NTM: variants seen among roughly 807,000 people sequenced by gnomAD.
NTM encodes neurotrimin, also known as IgLON family member 2.
A neutral mutation model predicts 42.1 loss-of-function variants in NTM; 13 were observed. That is an observed-to-expected ratio of 0.31 (90% confidence interval 0.20 to 0.49). NTM has a LOEUF of 0.49. Ranked by LOEUF, NTM falls within the 20% of genes least tolerant of loss-of-function variation. NTM has a pLI of 0.99. For missense variants in NTM, 373 were observed against 452.8 expected, an observed-to-expected ratio of 0.82 and a Z score of 1.60; for synonymous variants, 187 against 179.2, an observed-to-expected ratio of 1.04 and a Z score of -0.35.
At chr11:131,542,680 G>A (rs2053434408) in intron 1 of NTM, among the ~76,000 whole-genome samples, 1 of 152,122 alleles carries the variant, frequency 6.6e-6, no homozygotes, top group Non-Finnish European at 1.5e-5. Context: ...TTCCACTAGT[G>A]AGTTAGTTCA....
chr11:131,513,381 T>G (rs2048498248), intron 1 of NTM, among the ~76,000 whole-genome samples: 1 of 151,536 alleles, frequency 6.6e-6, no homozygotes, highest in African/African-American at 2.4e-5. Flanking sequence ...ACCCAAGAGG[T>G]CCACAGACCA....
At chr11:131,973,521 G>C (rs1341497258) in intron 2 of NTM, among the ~76,000 whole-genome samples, 1 of 152,138 alleles carries the variant, frequency 6.6e-6, no homozygotes, top group African/African-American at 2.4e-5. Context: ...CTTGTTTTTA[G>C]AAGACTAACT....
At chr11:132,320,490 A>G (rs975058375) in intron 7 of NTM, among the ~76,000 whole-genome samples, 2 of 152,202 alleles carry the variant, frequency 1.3e-5, no homozygotes, top group Non-Finnish European at 2.9e-5. Flanking sequence ...ACGGCGCACC[A>G]TGAGATTATA....
At chr11:132,333,330 A>G (rs1039226852) in intron 8 of NTM, among the ~76,000 whole-genome samples, 1 of 152,142 alleles carries the variant, frequency 6.6e-6, no homozygotes, top group African/African-American at 2.4e-5. Flanking sequence ...GGACTTACGC[A>G]GAGCAGAGAA....
At chr11:132,286,516 G>GC (rs200788377) in intron 4 of NTM, among the ~76,000 whole-genome samples, 2,085 of 151,382 alleles carry the variant, frequency 0.014, 40 homozygotes, top group African/African-American at 0.045. Flanking sequence ...TTGCCTGTCC[G>GC]CCCCCCCCAC....
intron 1 of NTM, among the ~76,000 whole-genome samples, chr11:131,557,414 C>T (rs2055593029): frequency 6.6e-6 from 1 of 152,144 alleles, no homozygotes; most frequent in Non-Finnish European, 1.5e-5. Flanking sequence ...GAGACGTGGA[C>T]AAGAGTCCAT....
chr11:131,986,333 G>T (rs890499564), intron 2 of NTM, among the ~76,000 whole-genome samples: 1 of 152,156 alleles, frequency 6.6e-6, no homozygotes, highest in African/African-American at 2.4e-5. Context: ...AAACACATCT[G>T]CCTTTAAACA....
chr11:132,248,281 T>A (rs1333206277), intron 4 of NTM, among the ~76,000 whole-genome samples: 3 of 152,218 alleles, frequency 2.0e-5, no homozygotes. Context: ...AACTTTCCCA[T>A]CTGCTTCATA....
chr11:131,863,739 C>T (rs75985812), intron 1 of NTM, among the ~76,000 whole-genome samples: 180 of 152,338 alleles, frequency 1.2e-3, no homozygotes, highest in African/African-American at 4.2e-3. Context: ...TCCCATCTGC[C>T]TTCTCTTCCC....
At chr11:131,759,028 G>A (rs907957983) in intron 1 of NTM, among the ~76,000 whole-genome samples, 1 of 152,196 alleles carries the variant, frequency 6.6e-6, no homozygotes, top group African/African-American at 2.4e-5. Context: ...TCTTTGAGAA[G>A]TTTGGTCTAG....
chr11:131,768,106 C>A (rs2085422515), intron 1 of NTM, among the ~76,000 whole-genome samples: 2 of 146,476 alleles, frequency 1.4e-5, no homozygotes, highest in Middle Eastern at 3.2e-3. Flanking sequence ...ATCCATTGAA[C>A]ACTTGCAAAA....
chr11:131,927,724 C>T (rs967520529), intron 2 of NTM, among the ~76,000 whole-genome samples: 1 of 152,048 alleles, frequency 6.6e-6, no homozygotes, highest in South Asian at 2.1e-4. Flanking sequence ...CACTTGATAC[C>T]CAGAGAAGGA....
At chr11:132,140,473 C>T (rs1351290974) in intron 2 of NTM, among the ~76,000 whole-genome samples, 2 of 152,058 alleles carry the variant, frequency 1.3e-5, no homozygotes, top group Non-Finnish European at 1.5e-5. Context: ...AGTTGGGAGA[C>T]GTAAGAACAG....
chr11:132,210,880 C>A (rs2082718997), intron 3 of NTM, among the ~76,000 whole-genome samples: 1 of 152,140 alleles, frequency 6.6e-6, no homozygotes, highest in African/African-American at 2.4e-5. Flanking sequence ...AGTAGACATC[C>A]TGTCTCCAAC....
chr11:132,036,094 C>A (rs1484971596), intron 2 of NTM, among the ~76,000 whole-genome samples: 1 of 152,104 alleles, frequency 6.6e-6, no homozygotes, highest in Non-Finnish European at 1.5e-5. Context: ...GATCTCTTAT[C>A]CTGTTCTACT....
chr11:132,214,246 G>A (rs1026086291), intron 4 of NTM, among the ~76,000 whole-genome samples: 4 of 152,204 alleles, frequency 2.6e-5, no homozygotes, highest in Non-Finnish European at 5.9e-5. Flanking sequence ...TAAGTCCGCG[G>A]TGTGCACCAT....
At chr11:132,322,181 T>C (rs2095584840) in intron 7 of NTM, among the ~76,000 whole-genome samples, 1 of 151,774 alleles carries the variant, frequency 6.6e-6, no homozygotes, top group African/African-American at 2.4e-5. Flanking sequence ...CATAACACTA[T>C]TAACTTTAAA....
intron 1 of NTM, among the ~76,000 whole-genome samples, chr11:131,494,405 G>A (rs893329642): frequency 6.6e-6 from 1 of 152,182 alleles, no homozygotes; most frequent in African/African-American, 2.4e-5. Context: ...ATCCATTTTG[G>A]CATTCTGGTA....
At chr11:132,012,019 G>A (rs1308923034) in intron 2 of NTM, among the ~76,000 whole-genome samples, 1 of 152,142 alleles carries the variant, frequency 6.6e-6, no homozygotes, top group African/African-American at 2.4e-5. Flanking sequence ...ATAGTCATGT[G>A]TACCTTTATG....
Sources: allele counts gnomAD v4.1 joint callset (sites outside exome capture counted in the v4.1 genomes callset), GRCh38; gene constraint gnomAD v4.1.1; transcripts MANE v1.5; gene names NCBI Gene and HGNC (gene_info 2026-07-23, HGNC 2026-07-21).